The following RABGAP1L variants were observed in gnomAD, a reference collection of about 807,000 sequenced individuals.
RABGAP1L encodes the protein rab GTPase-activating protein 1-like.
A neutral mutation model predicts 137.7 loss-of-function variants in RABGAP1L; 63 were observed. The observed-to-expected ratio is 0.46, with a 90% confidence interval of 0.37 to 0.56. The LOEUF is 0.56. Ranked by LOEUF, RABGAP1L falls within the 20% of genes least tolerant of loss-of-function variation. The pLI is 0.00. For missense variants in RABGAP1L, 1,095 were observed against 1,244.0 expected (o/e 0.88, Z 1.80); for synonymous variants, 431 against 433.7 (o/e 0.99, Z 0.08).
chr1:174,887,604 C>A (rs1236030698), intron 19 of RABGAP1L, among the ~76,000 whole-genome samples: 4 of 96,512 alleles, frequency 4.1e-5, no homozygotes, highest in African/African-American at 3.2e-4. Context: ...CAGGGATTTG[C>A]AAAAACTTGG....
chr1:174,684,528 A>G (rs1162273239), intron 15 of RABGAP1L, among the ~76,000 whole-genome samples: 1 of 152,232 alleles, frequency 6.6e-6, no homozygotes, highest in East Asian at 1.9e-4. Flanking sequence ...TAATGTGTCA[A>G]AAATGCAGGC....
chr1:174,658,712 C>T (rs981925371), intron 14 of RABGAP1L, among the ~76,000 whole-genome samples: 2 of 152,082 alleles, frequency 1.3e-5, no homozygotes, highest in Admixed American at 6.5e-5. Flanking sequence ...TCTGACACTC[C>T]ACACCAGGCC....
rs12757478 is a variant in RABGAP1L at position 174,934,084 on chromosome 1, T to G, written c.2341-23373T>G. 8.7e-3 allele frequency among the ~76,000 whole-genome samples: 1,329 copies of G among 152,266 alleles called. 8 individuals are homozygous for G. The highest frequency in any genetic ancestry group is 0.039 in the East Asian group (202 of 5,182). On this transcript the variant is annotated intron_variant, in intron 19 of 25. Transcript: ENST00000681986. Reference sequence around the variant, plus strand: ...GTTTTGCAGTTTTCATTTTTGTTTTTTTGTTGTTGTTGTTGTTATTTTGAG... The same window carrying G: ...GTTTTGCAGTTTTCATTTTTGTTTTGTTGTTGTTGTTGTTGTTATTTTGAG...
At chr1:174,230,816 T>C (rs1670583289) in intron 3 of RABGAP1L, among the ~76,000 whole-genome samples, 1 of 152,206 alleles carries the variant, frequency 6.6e-6, no homozygotes, top group South Asian at 2.1e-4. Flanking sequence ...TTCTTTTACA[T>C]ACTTGTACTC....
At chr1:174,543,362 C>G (rs988316502) in intron 13 of RABGAP1L, among the ~76,000 whole-genome samples, 10 of 152,004 alleles carry the variant, frequency 6.6e-5, no homozygotes, top group African/African-American at 1.9e-4. Context: ...CCTTCTTTGT[C>G]TCTTTTGATC....
chr1:174,670,527 C>T (rs1038118952), intron 14 of RABGAP1L, among the ~76,000 whole-genome samples: 1 of 152,062 alleles, frequency 6.6e-6, no homozygotes, highest in Non-Finnish European at 1.5e-5. Context: ...TCATCCCCAC[C>T]TTTTCTCTGC....
chr1:174,640,801 G>A (rs1674469173), intron 14 of RABGAP1L, among the ~76,000 whole-genome samples: 1 of 151,632 alleles, frequency 6.6e-6, no homozygotes, highest in Non-Finnish European at 1.5e-5. Context: ...TTCAAATAAA[G>A]CTATCATAGC....
At position 174,664,730 on chromosome 1, in the gene RABGAP1L, C is replaced by CTTTTTTTTTTTT. The variant is rs747671420; in HGVS notation, c.1825-18789_1825-18788insTTTTTTTTTTTT. On this transcript the variant is annotated intron_variant, in intron 14 of 25. Coordinates refer to ENST00000681986, the MANE Select transcript of RABGAP1L (RefSeq NM_001366446.1). The stretch of plus-strand genomic sequence containing the variant: ...CTCTCTCTTTCTTTCTTTCTTTCTG[C>CTTTTTTTTTTTT]TTTCTTTTTTTTTTTTTTTTTTTTT... Among the ~76,000 whole-genome samples the CTTTTTTTTTTTT allele has an allele frequency of 2.1e-3, 208 of 98,850 alleles. 39 individuals carry two copies. The highest frequency in any genetic ancestry group is 0.012 in the African/African-American group (189 of 15,626). The allele number at this position is 98,850 out of a possible 152,430, so 64.8% of individuals were successfully genotyped here.
chr1:174,461,536 T>C (rs1406893181), intron 13 of RABGAP1L, among the ~76,000 whole-genome samples: 3 of 152,198 alleles, frequency 2.0e-5, no homozygotes, highest in Non-Finnish European at 4.4e-5. Flanking sequence ...TACTCAATTA[T>C]TTGTTGAGCC....
intron 14 of RABGAP1L, among the ~76,000 whole-genome samples, chr1:174,677,283 C>T (rs935670231): frequency 2.0e-5 from 3 of 152,100 alleles, no homozygotes; most frequent in African/African-American, 4.8e-5. Context: ...CAGAGGGAGA[C>T]CTGTCTCAAA....
intron 15 of RABGAP1L, among the ~76,000 whole-genome samples, chr1:174,697,507 C>T (rs879841193): frequency 3.3e-5 from 5 of 152,188 alleles, no homozygotes; most frequent in South Asian, 2.1e-4. Context: ...TTAGTAGAGA[C>T]GGGGTTTCGT....
At chr1:174,298,138 C>T (rs1571970103) in intron 10 of RABGAP1L, among the ~76,000 whole-genome samples, 1 of 152,208 alleles carries the variant, frequency 6.6e-6, no homozygotes, top group East Asian at 1.9e-4. Flanking sequence ...GGCTACCCAT[C>T]TAGAAAGAGG....
intron 21 of RABGAP1L, among the ~76,000 whole-genome samples, chr1:174,973,972 G>GTTTTTTTTTT (rs1558297301): frequency 1.1e-5 from 1 of 94,232 alleles, no homozygotes; most frequent in African/African-American, 4.8e-5. Flanking sequence ...CAGTACAATT[G>GTTTTTTTTTT]TTTTTTGTTT....
intron 14 of RABGAP1L, among the ~76,000 whole-genome samples, chr1:174,664,017 T>C (rs927942559): frequency 6.6e-6 from 1 of 152,184 alleles, no homozygotes; most frequent in African/African-American, 2.4e-5. Flanking sequence ...CATTGAGGCA[T>C]GAATTACAGT....
At chr1:174,790,984 A>G (rs1160937109) in intron 18 of RABGAP1L, among the ~76,000 whole-genome samples, 1 of 152,092 alleles carries the variant, frequency 6.6e-6, no homozygotes, top group Admixed American at 6.5e-5. Flanking sequence ...TGAGGTCAGG[A>G]GTTCGAGACC....
intron 13 of RABGAP1L, among the ~76,000 whole-genome samples, chr1:174,596,297 A>G (rs553133561): frequency 6.6e-6 from 1 of 151,372 alleles, no homozygotes; most frequent in East Asian, 2.0e-4. Context: ...ATGGAAATGC[A>G]GAAATCACCC....
In RABGAP1L at chr1:174,677,639, C is replaced by A. The variant is rs1247962922; in HGVS notation, c.1825-5883C>A. ...GCCTTGGAGTTGGAATTGCCTAGAT[C>A]TTCACAGAAACTATTGTGCTGAACT... On this transcript the variant is annotated intron_variant, in intron 14 of 25. Coordinates refer to ENST00000681986, the MANE Select transcript of RABGAP1L (RefSeq NM_001366446.1). Among the ~76,000 whole-genome samples the A allele has an allele frequency of 2.6e-5, 4 of 152,282 alleles. No individual in the cohort carries two copies. In the East Asian group the frequency reaches 7.7e-4, roughly 29 times the overall value.
At chr1:174,713,166 A>G (rs991556326) in intron 17 of RABGAP1L, among the ~76,000 whole-genome samples, 2 of 152,158 alleles carry the variant, frequency 1.3e-5, no homozygotes, top group African/African-American at 4.8e-5. Context: ...GAAGTAAAAC[A>G]ATGTCAATGA....
chr1:174,315,283 C>G (rs1349088657), intron 11 of RABGAP1L, among the ~76,000 whole-genome samples: 1 of 152,056 alleles, frequency 6.6e-6, no homozygotes, highest in Non-Finnish European at 1.5e-5. Context: ...GTCTATTTTT[C>G]CACTATAAGT....
Sources: gnomAD v4.1 joint callset for allele counts (sites outside exome capture counted in the v4.1 genomes callset) on GRCh38, gnomAD v4.1.1 for gene constraint, MANE v1.5 for transcripts, NCBI Gene and HGNC (gene_info 2026-07-23, HGNC 2026-07-21) for gene names.